RBFOX1: variants seen among roughly 807,000 people sequenced by gnomAD.
RBFOX1 encodes the protein RNA binding fox-1 homolog 1.
In RBFOX1, 8 loss-of-function variants were observed where a neutral mutation model predicts 57.7. The observed-to-expected ratio is 0.14, with a 90% CI of 0.08 to 0.25. RBFOX1 has a LOEUF of 0.25. RBFOX1 is among the 10% of genes least tolerant of loss of function. RBFOX1 has a pLI of 1.00. For synonymous variants in RBFOX1, 326 were observed against 222.4 expected (o/e 1.47, Z -4.15); for missense variants, 611 against 548.5 (o/e 1.11, Z -1.14).
At chr16:7,566,381 A>G (rs569636311) in intron 5 of RBFOX1, among the ~76,000 whole-genome samples, 48 of 152,226 alleles carry the variant, frequency 3.2e-4, no homozygotes, top group African/African-American at 1.0e-3. Context: ...ACTCCTGTCT[A>G]TATGTACTTT....
Position 5,869,424 on chromosome 16 carries a change from A to G in RBFOX1, c.351+2089A>G, listed in dbSNP as rs553827064. Among the ~76,000 whole-genome samples, 8 of 152,238 alleles carry G rather than the reference A, an allele frequency of 5.3e-5. No homozygotes were observed. In the East Asian group the frequency reaches 1.5e-3, roughly 29 times the overall value. ...AAGATTTATACGTATATATTTTTAG[A>G]TGGGGACTCTCCCAGTCACCAGGCT... On this transcript the variant is annotated intron_variant, in intron 4 of 19. Transcript: ENST00000641259.
chr16:7,422,111 C>T (rs939882282), intron 4 of RBFOX1, among the ~76,000 whole-genome samples: 1 of 152,084 alleles, frequency 6.6e-6, no homozygotes, highest in Non-Finnish European at 1.5e-5. Flanking sequence ...TTTGGTCGAG[C>T]CTGTGATTCT....
intron 2 of RBFOX1, among the ~76,000 whole-genome samples, chr16:5,556,378 G>A (rs917770361): frequency 1.3e-5 from 2 of 152,206 alleles, no homozygotes; most frequent in Admixed American, 6.5e-5. Flanking sequence ...GCTGTGAGCC[G>A]AGGAAGATGA....
chr16:6,390,930 C>A (rs1018173727), intron 2 of RBFOX1, among the ~76,000 whole-genome samples: 14 of 152,104 alleles, frequency 9.2e-5, no homozygotes, highest in Non-Finnish European at 2.1e-4. Context: ...GGTTTCTCAA[C>A]CTCAGCACTA....
At chr16:7,533,730 A>C (rs74010587) in intron 5 of RBFOX1, among the ~76,000 whole-genome samples, 4,549 of 152,340 alleles carry the variant, frequency 0.03, 198 homozygotes, top group African/African-American at 0.1. Flanking sequence ...ATTTCTACTG[A>C]ATGTGTATTG....
chr16:7,359,652 C>A (rs1032308621), intron 4 of RBFOX1, among the ~76,000 whole-genome samples: 1 of 152,174 alleles, frequency 6.6e-6, no homozygotes, highest in African/African-American at 2.4e-5. Flanking sequence ...GCACGTCTCT[C>A]CATCAGCAAT....
intron 4 of RBFOX1, among the ~76,000 whole-genome samples, chr16:7,449,463 C>T (rs1402749616): frequency 6.6e-6 from 1 of 152,100 alleles, no homozygotes; most frequent in Non-Finnish European, 1.5e-5. Context: ...TAGTTATCAT[C>T]CAGGTTTCAC....
intron 4 of RBFOX1, among the ~76,000 whole-genome samples, chr16:7,406,553 A>G (rs1362335337): frequency 6.6e-6 from 1 of 152,228 alleles, no homozygotes; most frequent in African/African-American, 2.4e-5. Context: ...ATGCAAAAAC[A>G]TTTAGAAGGA....
intron 1 of RBFOX1, among the ~76,000 whole-genome samples, chr16:6,063,464 GACACACACACACACACACAC>G (rs772720519): frequency 1.2e-5 from 1 of 86,494 alleles, no homozygotes; most frequent in South Asian, 4.0e-4. Flanking sequence ...CTCTTTCTCC[GACACACACACACACACACAC>G]ACACACACAC....
At chr16:6,917,383 C>A (rs547799768) in intron 3 of RBFOX1, among the ~76,000 whole-genome samples, 7 of 152,302 alleles carry the variant, frequency 4.6e-5, no homozygotes, top group East Asian at 1.9e-4. Context: ...AGTTTCTGAA[C>A]TTGAGTGTAG....
At chr16:6,613,955 A>G (rs1430325738) in intron 2 of RBFOX1, among the ~76,000 whole-genome samples, 1 of 152,190 alleles carries the variant, frequency 6.6e-6, no homozygotes, top group African/African-American at 2.4e-5. Context: ...GAAAAAGAAA[A>G]AAGAAGATAG....
chr16:7,466,370 T>A (rs1402127686), intron 4 of RBFOX1, among the ~76,000 whole-genome samples: 1 of 152,178 alleles, frequency 6.6e-6, no homozygotes, highest in African/African-American at 2.4e-5. Context: ...CGCTTCTAAC[T>A]GCATTATCTC....
chr16:7,468,201 G>A (rs749869313), intron 4 of RBFOX1, among the ~76,000 whole-genome samples: 5 of 152,164 alleles, frequency 3.3e-5, no homozygotes. Flanking sequence ...GAGCTGAAAA[G>A]GGTAAGGAGA....
chr16:6,880,674 A>C (rs1371357682), intron 3 of RBFOX1, among the ~76,000 whole-genome samples: 1 of 152,238 alleles, frequency 6.6e-6, no homozygotes. Context: ...AATCTAGATA[A>C]AAAGAGCACT....
chr16:6,820,925 A>G (rs1783627244), intron 3 of RBFOX1, among the ~76,000 whole-genome samples: 2 of 152,210 alleles, frequency 1.3e-5, no homozygotes, highest in Admixed American at 6.5e-5. Context: ...CATTTCATGC[A>G]CAATGGTTGA....
chr16:7,429,548 G>T (rs147886499), intron 4 of RBFOX1, among the ~76,000 whole-genome samples: 1 of 152,156 alleles, frequency 6.6e-6, no homozygotes. Flanking sequence ...AGAACAGGAA[G>T]CCACCTATTT....
At chr16:6,959,835 G>A (rs1353644941) in intron 3 of RBFOX1, among the ~76,000 whole-genome samples, 1 of 152,182 alleles carries the variant, frequency 6.6e-6, no homozygotes, top group African/African-American at 2.4e-5. Flanking sequence ...TACTCGGGAG[G>A]CTGAGGCAGG....
intron 4 of RBFOX1, among the ~76,000 whole-genome samples, chr16:7,492,932 G>A (rs1472245214): frequency 6.6e-6 from 1 of 152,108 alleles, no homozygotes; most frequent in Non-Finnish European, 1.5e-5. Flanking sequence ...AGGCTGGAGT[G>A]CAGTGGTGCG....
intron 5 of RBFOX1, among the ~76,000 whole-genome samples, chr16:7,562,597 A>G (rs1278904344): frequency 2.0e-5 from 3 of 152,186 alleles, no homozygotes; most frequent in Non-Finnish European, 4.4e-5. Context: ...GTGGCACCTG[A>G]GCCCCAGCAG....
Sources: allele counts gnomAD v4.1 joint callset (sites outside exome capture counted in the v4.1 genomes callset), GRCh38; gene constraint gnomAD v4.1.1; transcripts MANE v1.5; gene names NCBI Gene and HGNC (gene_info 2026-07-23, HGNC 2026-07-21).